SEMA3E: variants seen among roughly 807,000 people sequenced by gnomAD.
SEMA3E encodes semaphorin-3E.
SEMA3E carries 49 observed loss-of-function variants against 93.6 expected under a neutral mutation model. That is an observed-to-expected ratio of 0.52 (90% CI 0.42 to 0.66). The LOEUF is 0.66. SEMA3E is among the 30% of genes least tolerant of loss of function. The pLI is 0.00. For synonymous variants in SEMA3E, 363 were observed against 330.7 expected (o/e 1.10, Z -1.06); for missense variants, 906 against 964.8 (o/e 0.94, Z 0.81).
At chr7:83,372,743 C>T (rs1794766581) in intron 16 of SEMA3E, 1 of 152,344 alleles carries the variant, frequency 6.6e-6, no homozygotes, top group African/African-American at 2.4e-5. Context: ...ATACACATTA[C>T]AAAGACAGGA....
chr7:83,543,014 C>G (rs558250795), intron 1 of SEMA3E, among the ~76,000 whole-genome samples: 1 of 152,002 alleles, frequency 6.6e-6, no homozygotes. Flanking sequence ...GTTTACTAGT[C>G]TTAAGGCTTT....
intron 1 of SEMA3E, among the ~76,000 whole-genome samples, chr7:83,505,751 C>T (rs932266469): frequency 6.6e-6 from 1 of 152,034 alleles, no homozygotes; most frequent in Admixed American, 6.6e-5. Flanking sequence ...CACAGTGGCT[C>T]ATGCCTGTAA....
At chr7:83,606,951 T>G (rs1450456701) in intron 1 of SEMA3E, among the ~76,000 whole-genome samples, 1 of 152,172 alleles carries the variant, frequency 6.6e-6, no homozygotes, top group Non-Finnish European at 1.5e-5. Context: ...CTTTCTGTTA[T>G]ATGTAGGCTA....
intron 4 of SEMA3E, among the ~76,000 whole-genome samples, chr7:83,426,805 AT>A (rs951457302): frequency 6.6e-6 from 1 of 152,020 alleles, no homozygotes; most frequent in South Asian, 2.1e-4. Context: ...TCATGCTTCT[AT>A]TTTTTTCCAT....
At position 83,532,788 on chromosome 7, in the gene SEMA3E, A is replaced by T. The variant is rs528605232; in HGVS notation, c.116-42514T>A. 2.8e-3 allele frequency among the ~76,000 whole-genome samples: 385 copies of T among 137,358 alleles called. 1 individual carries two copies. The highest frequency in any genetic ancestry group is 8.4e-3 in the African/African-American group (336 of 39,932). The allele number at this position is 137,358 out of a possible 152,430, so 90.1% of individuals were successfully genotyped here. On this transcript the variant is annotated intron_variant, in intron 1 of 16. Transcript: ENST00000643230. Reference sequence around the variant, plus strand: ...GAAATTATTTCCTGTTTTTTTTTTAAAAAAAGAAAGAAAACAGCAACAAAA... The same window carrying T: ...GAAATTATTTCCTGTTTTTTTTTTATAAAAAGAAAGAAAACAGCAACAAAA...
chr7:83,491,199 C>T (rs1313814804), intron 1 of SEMA3E, among the ~76,000 whole-genome samples: 1 of 152,000 alleles, frequency 6.6e-6, no homozygotes, highest in African/African-American at 2.4e-5. Flanking sequence ...TAAAGTAGGA[C>T]AAATCTACAG....
At chr7:83,434,880 A>AT (rs1311858335) in intron 4 of SEMA3E, among the ~76,000 whole-genome samples, 6 of 150,776 alleles carry the variant, frequency 4.0e-5, no homozygotes, top group African/African-American at 1.5e-4. Context: ...CGCCCGGCTA[A>AT]TTTTTTGTAT....
intron 11 of SEMA3E, among the ~76,000 whole-genome samples, chr7:83,399,711 T>A (rs182005153): frequency 2.6e-5 from 4 of 152,298 alleles, no homozygotes; most frequent in Admixed American, 6.5e-5. Flanking sequence ...TATAAGGAAT[T>A]TTGTGCTATG....
At position 83,364,364 on chromosome 7, in the gene SEMA3E, A is replaced by G. The variant is rs73709848; in HGVS notation, c.*3222T>C. On this transcript the variant is annotated 3_prime_UTR_variant, in exon 17 of 17. Transcript: ENST00000643230. ...TCGAACACTCATTACAAACATTCTA[A>G]GTATTTAACTAATTTTAGATAGAAA... 3.5e-3 allele frequency: 528 copies of G among 152,328 alleles called. 4 individuals are homozygous for G. Among genetic ancestry groups the G allele is most frequent in the African/African-American group, 0.012 (498 of 41,576 alleles). 9.4% of individuals were successfully genotyped at this position (152,328 alleles called of 1,614,324 possible). A position where few individuals can be genotyped will look rare whatever the true frequency, so the allele number is the denominator to read the frequency against.
rs35798052 is a variant in SEMA3E, at chr7:83,587,975, AAATT to A, written c.115+60449_115+60452del. ...AGATTAATTTGCTTATTATGTATTT[AAATT>A]AATTATATTTTGTGTAAAAACTGAC... is the stretch of plus-strand genomic sequence containing the variant. On this transcript the variant is annotated intron_variant, in intron 1 of 16. Coordinates refer to ENST00000643230, the MANE Select transcript of SEMA3E (RefSeq NM_012431.3). 4.0e-3 allele frequency among the ~76,000 whole-genome samples: 602 copies of A among 152,270 alleles called. 1 individual carries two copies. Among genetic ancestry groups the A allele is most frequent in the African/African-American group, 0.013 (550 of 41,566 alleles).
At chr7:83,600,416 T>C (rs1361949776) in intron 1 of SEMA3E, among the ~76,000 whole-genome samples, 1 of 149,146 alleles carries the variant, frequency 6.7e-6, no homozygotes, top group Non-Finnish European at 1.5e-5. Flanking sequence ...GCCTCCAGGG[T>C]TCATGCCATT....
At chr7:83,454,296 T>TATATATATATATATATATATAA (rs1350195502) in intron 4 of SEMA3E, among the ~76,000 whole-genome samples, 9 of 130,628 alleles carry the variant, frequency 6.9e-5, no homozygotes, top group African/African-American at 2.3e-4. Flanking sequence ...TATATATATA[T>TATATATATATATATATATATAA]AATGTGTGTA....
At chr7:83,440,804 A>C (rs1382294692) in intron 4 of SEMA3E, among the ~76,000 whole-genome samples, 1 of 55,532 alleles carries the variant, frequency 1.8e-5, no homozygotes, top group Non-Finnish European at 5.5e-5. Context: ...TCCGTCTCAA[A>C]AAAAAAAAAA....
At chr7:83,490,405 T>A (rs1790358463) in intron 1 of SEMA3E, 131 bp from the exon 2 acceptor site, 1 of 854,116 alleles carries the variant, frequency 1.2e-6, no homozygotes, top group Non-Finnish European at 1.8e-6. Context: ...ATACATATAC[T>A]GGCAAAGAAT....
intron 1 of SEMA3E, among the ~76,000 whole-genome samples, chr7:83,550,931 T>C (rs1322970934): frequency 6.6e-6 from 1 of 151,970 alleles, no homozygotes; most frequent in Non-Finnish European, 1.5e-5. Flanking sequence ...ATATAAAAAG[T>C]TTTCAACCTC....
rs1366705052 is a variant in SEMA3E, at chr7:83,546,384, T to C, written c.116-56110A>G. ...TGTGTGTTGAGAAAGGAGGGGAATA[T>C]AGTGAATGTGGGACCACTAGCTCTA... On this transcript the variant is annotated intron_variant, in intron 1 of 16. Transcript: ENST00000643230. 2.1e-5 allele frequency among the ~76,000 whole-genome samples: 3 copies of C among 141,992 alleles called. No individual in the cohort carries two copies. In the East Asian group the frequency reaches 6.2e-4, roughly 29 times the overall value. The allele number at this position is 141,992 out of a possible 152,430, so 93.2% of individuals were successfully genotyped here.
chr7:83,596,388 C>T (rs1792872613), intron 1 of SEMA3E, among the ~76,000 whole-genome samples: 1 of 152,010 alleles, frequency 6.6e-6, no homozygotes, highest in Non-Finnish European at 1.5e-5. Flanking sequence ...ACGATATCCA[C>T]TGGATATGCT....
At chr7:83,537,000 G>GA (rs1562823342) in intron 1 of SEMA3E, among the ~76,000 whole-genome samples, 1 of 151,826 alleles carries the variant, frequency 6.6e-6, no homozygotes, top group Non-Finnish European at 1.5e-5. Flanking sequence ...GCAACCTTAT[G>GA]AAAAAAATCT....
At chr7:83,587,816 G>A in intron 1 of SEMA3E, among the ~76,000 whole-genome samples, 1 of 151,790 alleles carries the variant, frequency 6.6e-6, no homozygotes, top group East Asian at 1.9e-4. Flanking sequence ...GGCAAGATAT[G>A]CAACTATGTT....
Sources: gnomAD v4.1 joint callset for allele counts (sites outside exome capture counted in the v4.1 genomes callset) on GRCh38, gnomAD v4.1.1 for gene constraint, MANE v1.5 for transcripts, NCBI Gene and HGNC (gene_info 2026-07-23, HGNC 2026-07-21) for gene names.